ALDH1A2: variants seen among roughly 807,000 people sequenced by gnomAD.
ALDH1A2 encodes aldehyde dehydrogenase 1 family member A2.
In ALDH1A2, 27 loss-of-function variants were observed where a neutral mutation model predicts 60.3. That is an observed-to-expected ratio of 0.45 (90% CI 0.33 to 0.62). The LOEUF (loss-of-function observed/expected upper bound fraction) is 0.62, where lower values mean the gene tolerates loss of function less well. Ranked by LOEUF, ALDH1A2 falls within the 20% of genes least tolerant of loss-of-function variation. ALDH1A2 has a pLI of 0.02. For synonymous variants in ALDH1A2, 289 were observed against 232.4 expected, an observed-to-expected ratio of 1.24 and a Z score of -2.21; for missense variants, 581 against 643.8, an observed-to-expected ratio of 0.90 and a Z score of 1.06.
chr15:57,992,808 G>A lies in ALDH1A2; in HGVS notation c.695C>T (p.Pro232Leu), dbSNP rs1894939150. 1 of 1,613,986 alleles carries A rather than the reference G, an allele frequency of 6.2e-7. No homozygotes were observed. The highest frequency in any genetic ancestry group is 1.1e-5 in the South Asian group (1 of 91,094). Residue 232 changes from proline (P) to leucine (L), a missense_variant, in exon 7 of 13, where the codon CCT (proline) becomes CTT (leucine). Pro to Leu is a moderately conservative substitution (Grantham distance 98, BLOSUM62 -3). Coordinates refer to ENST00000249750, the MANE Select transcript of ALDH1A2 (RefSeq NM_003888.4). Reference sequence around the variant, plus strand: ...TGGCAAAATATTGATGACCCCGGGAGGAAAGCCAGCCTAAGAAAACAGAAC... The same window carrying A: ...TGGCAAAATATTGATGACCCCGGGAAGAAAGCCAGCCTAAGAAAACAGAAC... ...MGALIKEAGF[P>L]PGVINILPGY... is the part of the protein sequence containing the mutation.
intron 4 of ALDH1A2, among the ~76,000 whole-genome samples, chr15:57,997,715 A>G (rs1895112821): frequency 6.6e-6 from 1 of 151,976 alleles, no homozygotes; most frequent in Non-Finnish European, 1.5e-5. Flanking sequence ...CAAAAATCTT[A>G]AAAGTCGGAC....
At chr15:58,005,110 A>G (rs2140507260) in intron 4 of ALDH1A2, among the ~76,000 whole-genome samples, 1 of 151,864 alleles carries the variant, frequency 6.6e-6, no homozygotes, top group Non-Finnish European at 1.5e-5. Flanking sequence ...ATCTGCTTAT[A>G]CTTTTAGATC....
intron 12 of ALDH1A2, among the ~76,000 whole-genome samples, chr15:57,956,124 TTC>T (rs1893516674): frequency 6.6e-6 from 1 of 152,136 alleles, no homozygotes; most frequent in Non-Finnish European, 1.5e-5. Flanking sequence ...CTACTGATTT[TTC>T]TTTTTGCCTT....
chr15:57,995,007 C>T (rs1895003797), intron 5 of ALDH1A2, 71 bp downstream of exon 5: 1 of 1,402,114 alleles, frequency 7.1e-7, no homozygotes, highest in Admixed American at 1.7e-5. Context: ...CGCTGAGGAC[C>T]ATGTTTTATG....
intron 1 of ALDH1A2, among the ~76,000 whole-genome samples, chr15:58,047,874 T>C (rs1874158): frequency 0.1 from 15,446 of 151,986 alleles, 872 homozygotes; most frequent in Middle Eastern, 0.15. Context: ...ACCTAGATGA[T>C]TGATTGCATT....
At chr15:57,995,653 C>T (rs1895034615) in intron 4 of ALDH1A2, among the ~76,000 whole-genome samples, 1 of 151,966 alleles carries the variant, frequency 6.6e-6, no homozygotes, top group Non-Finnish European at 1.5e-5. Flanking sequence ...AAATGTACTT[C>T]CTGGGTAGTG....
chr15:58,033,381 T>C (rs1337550879), intron 1 of ALDH1A2, among the ~76,000 whole-genome samples: 7 of 152,010 alleles, frequency 4.6e-5, no homozygotes, highest in Non-Finnish European at 1.0e-4. Context: ...TAAAGTATGT[T>C]GTTATTGTTG....
chr15:58,049,987 T>G (rs1338092209), intron 1 of ALDH1A2, among the ~76,000 whole-genome samples: 5 of 152,026 alleles, frequency 3.3e-5, no homozygotes, highest in African/African-American at 1.2e-4. Flanking sequence ...GAAAGGCTAG[T>G]GGGTGTGAGT....
At chr15:58,005,855 C>T (rs1235696029) in intron 4 of ALDH1A2, among the ~76,000 whole-genome samples, 3 of 151,758 alleles carry the variant, frequency 2.0e-5, no homozygotes, top group Non-Finnish European at 4.4e-5. Context: ...AACATTTAAG[C>T]TTCATAAATG....
chr15:57,965,103 C>T (rs1196459657), intron 8 of ALDH1A2, among the ~76,000 whole-genome samples: 1 of 152,014 alleles, frequency 6.6e-6, no homozygotes, highest in East Asian at 1.9e-4. Flanking sequence ...TGCAGAATGG[C>T]CTAGGTGGCA....
intron 1 of ALDH1A2, among the ~76,000 whole-genome samples, chr15:58,044,401 C>T (rs543850152): frequency 2.5e-4 from 38 of 152,026 alleles, no homozygotes; most frequent in African/African-American, 8.4e-4. Context: ...TGAGAACATC[C>T]AGTGTGTGGT....
At chr15:58,012,988 A>G (rs751254906) in intron 3 of ALDH1A2, among the ~76,000 whole-genome samples, 1 of 152,172 alleles carries the variant, frequency 6.6e-6, no homozygotes, top group African/African-American at 2.4e-5. Context: ...AAAAGTTTAT[A>G]TTCTCTAAGA....
intron 12 of ALDH1A2, among the ~76,000 whole-genome samples, chr15:57,958,382 G>A (rs1300397816): frequency 2.0e-5 from 3 of 152,286 alleles, no homozygotes; most frequent in Admixed American, 1.3e-4. Context: ...CTCATCTCAG[G>A]GGAGTTTGAT....
At chr15:58,034,080 G>C (rs984195200) in intron 1 of ALDH1A2, among the ~76,000 whole-genome samples, 2 of 151,704 alleles carry the variant, frequency 1.3e-5, no homozygotes, top group Non-Finnish European at 3.0e-5. Flanking sequence ...AACTTGGGAA[G>C]AAATGACATC....
At chr15:57,976,076 T>C (rs1306889917) in intron 7 of ALDH1A2, among the ~76,000 whole-genome samples, 1 of 152,232 alleles carries the variant, frequency 6.6e-6, no homozygotes, top group Non-Finnish European at 1.5e-5. Context: ...TATCTCTTTG[T>C]TGTCCTTTGC....
At chr15:58,050,420 A>T (rs539562595) in intron 1 of ALDH1A2, among the ~76,000 whole-genome samples, 3 of 152,258 alleles carry the variant, frequency 2.0e-5, no homozygotes, top group African/African-American at 7.2e-5. Flanking sequence ...AGTAAATAAA[A>T]TTTCAGTTTA....
intron 3 of ALDH1A2, among the ~76,000 whole-genome samples, chr15:58,012,536 T>G (rs1162166791): frequency 6.6e-6 from 1 of 152,214 alleles, no homozygotes; most frequent in Non-Finnish European, 1.5e-5. Flanking sequence ...GCCTTTAATA[T>G]GCCCAGTGTC....
chr15:58,064,694 T>C (rs990763730), intron 1 of ALDH1A2, among the ~76,000 whole-genome samples: 1 of 152,174 alleles, frequency 6.6e-6, no homozygotes, highest in Non-Finnish European at 1.5e-5. Flanking sequence ...CTCAAAATGT[T>C]GTAACATTAC....
chr15:57,971,967 C>A (rs1321467777), intron 7 of ALDH1A2, among the ~76,000 whole-genome samples: 2 of 152,156 alleles, frequency 1.3e-5, no homozygotes, highest in East Asian at 1.9e-4. Context: ...TGGGCTCACA[C>A]GATCTTCTGG....
Sources: allele counts gnomAD v4.1 joint callset (sites outside exome capture counted in the v4.1 genomes callset), GRCh38; gene constraint gnomAD v4.1.1; transcripts MANE v1.5; gene names NCBI Gene and HGNC (gene_info 2026-07-23, HGNC 2026-07-21).